ARMC8: variants seen among roughly 807,000 people sequenced by gnomAD.
The protein encoded by ARMC8 is armadillo repeat-containing protein 8.
ARMC8 carries 20 observed loss-of-function variants against 99.3 expected under a neutral mutation model. The observed-to-expected ratio is 0.20, with a 90% CI of 0.14 to 0.29. The LOEUF (loss-of-function observed/expected upper bound fraction) is 0.29. Among genes scored for constraint, ARMC8 ranks in the 10% least tolerant of loss-of-function variants. The pLI is 1.00. For synonymous variants in ARMC8, 263 were observed against 278.3 expected, an observed-to-expected ratio of 0.95 and a Z score of 0.55; for missense variants, 569 against 809.5, an observed-to-expected ratio of 0.70 and a Z score of 3.60.
chr3:138,286,229 C>T (rs2050397253), intron 19 of ARMC8, among the ~76,000 whole-genome samples: 1 of 152,202 alleles, frequency 6.6e-6, no homozygotes, highest in Admixed American at 6.5e-5. Context: ...AGGCATGAGC[C>T]ACTGCGCCCA....
chr3:138,269,162 G>A (rs1165578252), intron 15 of ARMC8, among the ~76,000 whole-genome samples: 2 of 152,098 alleles, frequency 1.3e-5, no homozygotes, highest in East Asian at 3.8e-4. Context: ...TGTATTTTTT[G>A]CTACTTTATA....
chr3:138,276,646 T>C (rs1443868541), intron 18 of ARMC8, among the ~76,000 whole-genome samples: 1 of 152,102 alleles, frequency 6.6e-6, no homozygotes, highest in Non-Finnish European at 1.5e-5. Context: ...AATTGGATAT[T>C]GAGATATTAA....
chr3:138,214,318 A>T (rs1234900980), intron 2 of ARMC8, among the ~76,000 whole-genome samples: 3 of 152,102 alleles, frequency 2.0e-5, no homozygotes, highest in South Asian at 4.1e-4. Context: ...GAATTCAGTC[A>T]GGCACTTGTG....
intron 15 of ARMC8, 54 bp downstream of exon 15, chr3:138,267,295 C>A: frequency 1.8e-6 from 2 of 1,111,064 alleles, no homozygotes; most frequent in South Asian, 1.6e-5. Flanking sequence ...AGAGCTTACT[C>A]AAATACTTTT....
At chr3:138,205,059 TC>T in intron 1 of ARMC8, among the ~76,000 whole-genome samples, 3 of 145,798 alleles carry the variant, frequency 2.1e-5, no homozygotes, top group South Asian at 2.2e-4. Flanking sequence ...TCTTTTCTTT[TC>T]TTTTTTTTTT....
chr3:138,229,620 A>C (rs942087413), intron 6 of ARMC8, among the ~76,000 whole-genome samples: 2 of 152,148 alleles, frequency 1.3e-5, no homozygotes, highest in Non-Finnish European at 2.9e-5. Context: ...CTATTACTGG[A>C]AACTGGTTTA....
chr3:138,193,173 TAGTC>T (rs1559902822), intron 1 of ARMC8, among the ~76,000 whole-genome samples: 1 of 152,080 alleles, frequency 6.6e-6, no homozygotes, highest in East Asian at 1.9e-4. Context: ...TTCACCATGT[TAGTC>T]AGACTGGTCT....
chr3:138,237,891 A>T (rs1320293652), intron 9 of ARMC8: 1 of 235,384 alleles, frequency 4.2e-6, no homozygotes, highest in East Asian at 9.8e-5. Context: ...ACCAACATAT[A>T]CTATGCTAAG....
At chr3:138,208,975 G>A (rs879541931) in intron 1 of ARMC8, among the ~76,000 whole-genome samples, 2 of 152,124 alleles carry the variant, frequency 1.3e-5, no homozygotes, top group Non-Finnish European at 2.9e-5. Context: ...ATTCTTAATT[G>A]TTTTCCTTCA....
chr3:138,258,645 CTAA>C (rs943702823), intron 12 of ARMC8, among the ~76,000 whole-genome samples: 4 of 152,204 alleles, frequency 2.6e-5, no homozygotes, highest in African/African-American at 7.2e-5. Flanking sequence ...AGATCCTGTT[CTAA>C]TAGATCCTTA....
intron 1 of ARMC8, chr3:138,188,426 C>T: frequency 1.3e-6 from 2 of 1,521,836 alleles, no homozygotes; most frequent in Non-Finnish European, 1.8e-6. Flanking sequence ...AGACGACTTT[C>T]ACCTTTCACT....
chr3:138,207,146 C>G (rs1055182364), intron 1 of ARMC8, among the ~76,000 whole-genome samples: 8 of 152,226 alleles, frequency 5.3e-5, no homozygotes, highest in African/African-American at 1.7e-4. Context: ...GACATTGATT[C>G]TTTCTTTCCT....
chr3:138,207,047 C>G (rs2044409784), intron 1 of ARMC8, among the ~76,000 whole-genome samples: 1 of 152,210 alleles, frequency 6.6e-6, no homozygotes, highest in Admixed American at 6.5e-5. Context: ...CGGTGCCTCT[C>G]TATCCTCTGT....
At chr3:138,249,557 C>G (rs548966871) in intron 12 of ARMC8, among the ~76,000 whole-genome samples, 1 of 151,842 alleles carries the variant, frequency 6.6e-6, no homozygotes, top group African/African-American at 2.4e-5. Context: ...ACCAGGTTTT[C>G]TAAGGATAAA....
At chr3:138,257,276 T>G (rs1056259553) in intron 12 of ARMC8, among the ~76,000 whole-genome samples, 2 of 152,168 alleles carry the variant, frequency 1.3e-5, no homozygotes, top group African/African-American at 4.8e-5. Flanking sequence ...GGTCTTTGGT[T>G]TGTTTTTGTT....
At chr3:138,219,120 C>G (rs374890124) in intron 2 of ARMC8, among the ~76,000 whole-genome samples, 2 of 152,030 alleles carry the variant, frequency 1.3e-5, no homozygotes, top group South Asian at 2.1e-4. Context: ...GTAGCTTTCT[C>G]TCTGTAAAAT....
intron 21 of ARMC8, among the ~76,000 whole-genome samples, chr3:138,293,175 T>C (rs1220979257): frequency 6.6e-6 from 1 of 152,154 alleles, no homozygotes; most frequent in Non-Finnish European, 1.5e-5. Context: ...AGTAAATGGC[T>C]CTTCCAGATT....
chr3:138,269,993 A>G (rs778778460), intron 15 of ARMC8, 47 bp from the exon 16 acceptor site: 1 of 1,365,268 alleles, frequency 7.3e-7, no homozygotes, highest in South Asian at 1.2e-5. Flanking sequence ...TTAGTTTGCA[A>G]ACTGGACTTT....
intron 2 of ARMC8, among the ~76,000 whole-genome samples, chr3:138,211,321 G>C (rs890348262): frequency 2.0e-5 from 3 of 152,198 alleles, no homozygotes; most frequent in Non-Finnish European, 2.9e-5. Context: ...GGTATTAAAA[G>C]ATGATATCAC....
Sources: allele counts gnomAD v4.1 joint callset (sites outside exome capture counted in the v4.1 genomes callset), GRCh38; gene constraint gnomAD v4.1.1; transcripts MANE v1.5; gene names NCBI Gene and HGNC (gene_info 2026-07-23, HGNC 2026-07-21).